Variants in XPO7 observed in about 807,000 individuals in gnomAD.
The protein encoded by XPO7 is exportin 7.
Under a neutral mutation model 144.3 loss-of-function variants are expected in XPO7, and 21 were observed. That is an observed-to-expected ratio of 0.15 (90% CI 0.10 to 0.21). The LOEUF (loss-of-function observed/expected upper bound fraction) is 0.21. Ranked by LOEUF, XPO7 falls within the 10% of genes least tolerant of loss-of-function variation. The pLI, the probability that XPO7 is intolerant of heterozygous loss-of-function variation, is 1.00. For missense variants in XPO7, 808 were observed against 1,325.8 expected (o/e 0.61, Z 6.06); for synonymous variants, 580 against 499.6 (o/e 1.16, Z -2.15).
At chr8:21,956,599 C>G (rs1811541967) in intron 1 of XPO7, among the ~76,000 whole-genome samples, 1 of 151,812 alleles carries the variant, frequency 6.6e-6, no homozygotes, top group South Asian at 2.1e-4. Context: ...TTAAACTTTG[C>G]TCTTTCCCTC....
In XPO7 at chr8:22,005,016, A is replaced by C; in HGVS notation, c.3192A>C (p.Ala1064=). 2 of 1,608,816 alleles carry C rather than the reference A, an allele frequency of 1.2e-6. No individual in the cohort carries two copies. The highest frequency in any genetic ancestry group is 1.7e-6 in the Non-Finnish European group (2 of 1,177,750). ...NRDRFTQNLS[A]FRREVNDSMK... Reference sequence around the variant, plus strand: ...GCAGGTTCACCCAGAACCTGTCAGCATTCCGTCGAGAAGTCAACGACTCAA... The same window carrying C: ...GCAGGTTCACCCAGAACCTGTCAGCCTTCCGTCGAGAAGTCAACGACTCAA... Residue 1064 remains alanine (A), a synonymous_variant, in exon 28 of 28, where the codon GCA becomes GCC. Transcript: ENST00000252512.
At chr8:21,919,955 C>G (rs1054179224) in intron 1 of XPO7, among the ~76,000 whole-genome samples, 167 bp downstream of exon 1, 7 of 151,800 alleles carry the variant, frequency 4.6e-5, no homozygotes, top group Non-Finnish European at 8.8e-5. Context: ...GGGCCTTTCC[C>G]GCCTCCCGGG....
rs1812640129 is a variant in XPO7, at chr8:21,988,081, TCTC to T, written c.1787+228_1787+230del. On this transcript the variant is annotated intron_variant, in intron 15 of 27. Coordinates refer to ENST00000252512, the MANE Select transcript of XPO7 (RefSeq NM_015024.5). ...AGGATTTAATTTTGTTCTTGCAGAA[TCTC>T]CTCTTTAGCCTCTGGAATCACAGGT... 2.0e-5 allele frequency among the ~76,000 whole-genome samples: 3 copies of T among 152,276 alleles called. 1 individual carries two copies. The highest frequency in any genetic ancestry group is 4.1e-4 in the South Asian group (2 of 4,824).
intron 1 of XPO7, among the ~76,000 whole-genome samples, chr8:21,951,118 AG>A (rs1811356666): frequency 6.6e-6 from 1 of 152,112 alleles, no homozygotes; most frequent in Admixed American, 6.6e-5. Flanking sequence ...TAATTAATTA[AG>A]GAAGTACCTA....
chr8:21,920,329 G>C (rs1157746243), intron 1 of XPO7, among the ~76,000 whole-genome samples: 1 of 151,358 alleles, frequency 6.6e-6, no homozygotes, highest in Non-Finnish European at 1.5e-5. Context: ...CCCCTCCCAC[G>C]GATGCGCCCT....
In XPO7 at chr8:22,003,313, A is replaced by G; in HGVS notation, c.3038A>G (p.Glu1013Gly). 1 of 1,607,954 alleles carries G rather than the reference A, an allele frequency of 6.2e-7. No homozygotes were observed. Among genetic ancestry groups the G allele is most frequent in the Non-Finnish European group, 8.5e-7 (1 of 1,177,262 alleles). ...RPLLGLILLNEKYFSDLRNSI... is the reference protein window; with the variant it reads ...RPLLGLILLNGKYFSDLRNSI... ...CTACTTGGCTTGATATTGCTTAATG[A>G]AAAGGTGAGAGAGCCAGCTCCCTGG... The change falls in exon 26 of 28, where the codon GAA (glutamate) becomes GGA (glycine). Residue 1013 changes from glutamate (E) to glycine (G), a missense_variant. Glu to Gly is a moderately conservative substitution (Grantham distance 98). Transcript: ENST00000252512.
At chr8:21,974,859 C>A in intron 6 of XPO7, 85 bp downstream of exon 6, 1 of 1,110,776 alleles carries the variant, frequency 9.0e-7, no homozygotes, top group Non-Finnish European at 1.3e-6. Flanking sequence ...CAGCTTTTAA[C>A]TGATCCCACG....
chr8:21,979,202 C>T (rs767270972), intron 8 of XPO7, among the ~76,000 whole-genome samples: 2 of 151,984 alleles, frequency 1.3e-5, no homozygotes, highest in South Asian at 2.1e-4. Context: ...TGAGCCACCA[C>T]GCCCGGCTAA....
intron 16 of XPO7, 103 bp downstream of exon 16, chr8:21,989,186 G>A (rs1812677809): frequency 2.9e-6 from 3 of 1,043,370 alleles, no homozygotes; most frequent in Non-Finnish European, 4.2e-6. Flanking sequence ...GCTGTAGTGT[G>A]TACTCACATA....
At chr8:21,932,234 A>C (rs1268248262) in intron 1 of XPO7, among the ~76,000 whole-genome samples, 1 of 152,274 alleles carries the variant, frequency 6.6e-6, no homozygotes. Context: ...AATAAAAAGC[A>C]TTTTCTATAG....
In XPO7 at chr8:21,976,513, G is replaced by A; in HGVS notation, c.755G>A (p.Trp252Ter). The change falls in exon 7 of 28, where the codon TGG becomes TAG. Residue 252 changes from tryptophan (W) to a stop codon, truncating the protein, a stop_gained. Coordinates refer to ENST00000252512, the MANE Select transcript of XPO7 (RefSeq NM_015024.5). LOFTEE classifies it high-confidence loss of function. ...TGTACAGTGCAGATTCCCACCAGCT[G>A]GAGATCAGGTAACAGAACTTCCTCC... Reference protein sequence around the residue: ...DLCTVQIPTSWRSAFLDSSTL... With the variant: ...DLCTVQIPTS 1 of 1,611,122 alleles carries A rather than the reference G, an allele frequency of 6.2e-7. No homozygotes were observed.
At chr8:21,952,552 T>C (rs1811406095) in intron 1 of XPO7, among the ~76,000 whole-genome samples, 2 of 152,212 alleles carry the variant, frequency 1.3e-5, no homozygotes, top group Non-Finnish European at 2.9e-5. Context: ...CAGTAGGTTA[T>C]TTAATATGAG....
At chr8:21,926,349 T>C (rs1051564631) in intron 1 of XPO7, among the ~76,000 whole-genome samples, 5 of 152,198 alleles carry the variant, frequency 3.3e-5, no homozygotes, top group Non-Finnish European at 7.3e-5. Context: ...TTATGATATT[T>C]ACAATGTGCA....
At chr8:21,954,298 G>A (rs1811465516) in intron 1 of XPO7, among the ~76,000 whole-genome samples, 1 of 152,110 alleles carries the variant, frequency 6.6e-6, no homozygotes, top group Non-Finnish European at 1.5e-5. Flanking sequence ...CAATAATCCG[G>A]TTTGAATGTT....
intron 24 of XPO7, among the ~76,000 whole-genome samples, chr8:22,000,350 G>GT (rs1473537113): frequency 6.6e-6 from 1 of 152,138 alleles, no homozygotes; most frequent in East Asian, 1.9e-4. Context: ...CCTGAGGGCC[G>GT]TGGAAGCTGG....
intron 8 of XPO7, 138 bp from the exon 9 acceptor site, chr8:21,979,946 G>A: frequency 8.9e-7 from 1 of 1,117,482 alleles, no homozygotes; most frequent in South Asian, 2.2e-5. Context: ...TTGGATCTAT[G>A]TTCTTTTCTT....
At chr8:21,973,130 T>C (rs1427448687) in intron 5 of XPO7, among the ~76,000 whole-genome samples, 1 of 152,232 alleles carries the variant, frequency 6.6e-6, no homozygotes, top group Non-Finnish European at 1.5e-5. Flanking sequence ...CAGATGTGAT[T>C]CAAACCCAAA....
chr8:21,988,736 A>G, intron 15 of XPO7: 1 of 449,596 alleles, frequency 2.2e-6, no homozygotes, highest in Non-Finnish European at 4.1e-6. Flanking sequence ...TCAGCCCTGG[A>G]GTGCCCCAGA....
intron 16 of XPO7, among the ~76,000 whole-genome samples, chr8:21,989,914 A>G (rs1812711409): frequency 8.1e-6 from 1 of 123,580 alleles, no homozygotes; most frequent in African/African-American, 3.0e-5. Context: ...CAGTTGCGCG[A>G]TCTCGGCTCA....
Sources: allele counts gnomAD v4.1 joint callset (sites outside exome capture counted in the v4.1 genomes callset), GRCh38; gene constraint gnomAD v4.1.1; transcripts MANE v1.5; gene names NCBI Gene and HGNC (gene_info 2026-07-23, HGNC 2026-07-21).